Variants in SOX6 observed in about 807,000 individuals in gnomAD.
The protein encoded by SOX6 is SRY-box transcription factor 6, also known as transcription factor SOX-6.
Under a neutral mutation model 97.8 loss-of-function variants are expected in SOX6, and 11 were observed. The observed-to-expected ratio is 0.11, with a 90% confidence interval of 0.07 to 0.19. SOX6 has a LOEUF of 0.19. Ranked by LOEUF, SOX6 falls within the 10% of genes least tolerant of loss-of-function variation. The probability of loss-of-function intolerance (pLI) is 1.00; values close to 1 mark genes in which losing one functional copy is unlikely to be tolerated. For synonymous variants in SOX6, 360 were observed against 371.4 expected, an observed-to-expected ratio of 0.97 and a Z score of 0.35; for missense variants, 810 against 1,039.5, an observed-to-expected ratio of 0.78 and a Z score of 3.04.
intron 1 of SOX6, among the ~76,000 whole-genome samples, chr11:16,391,365 T>C (rs1057099956): frequency 1.3e-5 from 2 of 152,208 alleles, no homozygotes; most frequent in Non-Finnish European, 2.9e-5. Flanking sequence ...CTTCCCTGAC[T>C]ACTCATCTAG....
At chr11:16,272,524 T>C (rs2134231387) in intron 3 of SOX6, among the ~76,000 whole-genome samples, 1 of 151,908 alleles carries the variant, frequency 6.6e-6, no homozygotes, top group African/African-American at 2.4e-5. Flanking sequence ...TTATTCTTTA[T>C]GGGCTAAAGT....
chr11:16,240,315 T>TGG (rs1554947945), intron 3 of SOX6, among the ~76,000 whole-genome samples: 1 of 146,842 alleles, frequency 6.8e-6, no homozygotes, highest in Non-Finnish European at 1.5e-5. Context: ...TGTGTGTGTG[T>TGG]GGCAGTGGAA....
intron 4 of SOX6, chr11:16,484,222 A>G (rs2133126933): frequency 1.2e-6 from 1 of 841,590 alleles, no homozygotes; most frequent in Admixed American, 1.7e-5. Flanking sequence ...CCAGCCCTTC[A>G]TCCACCAGCT....
At chr11:16,620,183 T>C (rs1299748131) in intron 3 of SOX6, among the ~76,000 whole-genome samples, 2 of 152,208 alleles carry the variant, frequency 1.3e-5, no homozygotes, top group African/African-American at 4.8e-5. Context: ...GTAAAACTAC[T>C]TTGGTTTTCA....
At chr11:16,562,203 A>C (rs1248004913) in intron 4 of SOX6, among the ~76,000 whole-genome samples, 1 of 152,184 alleles carries the variant, frequency 6.6e-6, no homozygotes, top group African/African-American at 2.4e-5. Context: ...TTCCTTCCCC[A>C]AAACACAACT....
chr11:15,979,442 G>T (rs1853598036), intron 15 of SOX6, among the ~76,000 whole-genome samples: 1 of 151,994 alleles, frequency 6.6e-6, no homozygotes, highest in Non-Finnish European at 1.5e-5. Flanking sequence ...CATATAGAGT[G>T]ATCCTTTCAA....
chr11:16,728,001 G>C (rs538310431), intron 2 of SOX6, among the ~76,000 whole-genome samples: 24 of 152,226 alleles, frequency 1.6e-4, no homozygotes, highest in African/African-American at 5.5e-4. Context: ...GCCCACCTCA[G>C]CACCGCAAAG....
intron 2 of SOX6, among the ~76,000 whole-genome samples, chr11:16,330,536 G>C (rs949285379): frequency 6.6e-6 from 1 of 152,108 alleles, no homozygotes; most frequent in African/African-American, 2.4e-5. Flanking sequence ...CAGCCTGGGC[G>C]ACAGAGCAAG....
At chr11:16,489,664 G>C (rs1048511798) in intron 4 of SOX6, among the ~76,000 whole-genome samples, 36 of 152,178 alleles carry the variant, frequency 2.4e-4, no homozygotes, top group South Asian at 8.3e-4. Context: ...AATTGAATGA[G>C]ATAACATGTA....
intron 3 of SOX6, among the ~76,000 whole-genome samples, chr11:16,708,678 T>G (rs1462717413): frequency 6.6e-6 from 1 of 152,224 alleles, no homozygotes; most frequent in Non-Finnish European, 1.5e-5. Context: ...ACTCATTAAA[T>G]TATAAACTTT....
At chr11:16,591,318 C>CATAGATAGATAGATAGACAGACAG (rs557537916) in intron 4 of SOX6, among the ~76,000 whole-genome samples, 3 of 123,444 alleles carry the variant, frequency 2.4e-5, no homozygotes, top group Admixed American at 1.7e-4. Context: ...TGGTTAGATA[C>CATAGATAGATAGATAGACAGACAG]ATAGATAGAT....
At chr11:16,322,366 A>G (rs980338503) in intron 2 of SOX6, among the ~76,000 whole-genome samples, 2 of 152,146 alleles carry the variant, frequency 1.3e-5, no homozygotes, top group Non-Finnish European at 1.5e-5. Context: ...CTCCAGCCAC[A>G]TAAGATGCGC....
intron 9 of SOX6, among the ~76,000 whole-genome samples, chr11:16,064,668 T>C (rs895082349): frequency 6.6e-6 from 1 of 151,848 alleles, no homozygotes; most frequent in African/African-American, 2.4e-5. Flanking sequence ...TCATTCATCA[T>C]GACCAAGTGG....
At chr11:16,197,207 C>A (rs1272486573) in intron 4 of SOX6, among the ~76,000 whole-genome samples, 1 of 152,102 alleles carries the variant, frequency 6.6e-6, no homozygotes, top group Non-Finnish European at 1.5e-5. Context: ...GAAACACATC[C>A]CTGCCCCCAA....
At chr11:16,054,164 A>G (rs904854363) in intron 10 of SOX6, among the ~76,000 whole-genome samples, 2 of 152,164 alleles carry the variant, frequency 1.3e-5, no homozygotes, top group Admixed American at 1.3e-4. Flanking sequence ...TTACTCATCC[A>G]GTAAAGACTT....
At chr11:16,416,090 C>T (rs900501521) in intron 1 of SOX6, among the ~76,000 whole-genome samples, 2 of 152,174 alleles carry the variant, frequency 1.3e-5, no homozygotes, top group African/African-American at 2.4e-5. Context: ...GGCATTAGCA[C>T]CACAGTAGGC....
In SOX6 at chr11:16,267,346, A is replaced by C. The variant is rs528885101; in HGVS notation, c.446-32675T>G. Among the ~76,000 whole-genome samples the C allele has an allele frequency of 1.1e-4, 16 of 151,784 alleles. No individual in the cohort carries two copies. The South Asian group carries it at 3.3e-3, about 31-fold the overall frequency. On this transcript the variant is annotated intron_variant, in intron 3 of 15. Coordinates refer to ENST00000683767, the MANE Select transcript of SOX6 (RefSeq NM_001367873.1). ...ATAAAGAAGTCAAACAACTTTATAAAAGAAAAACAAATAATTTGATTAAGA... is the reference window on the plus strand; with the variant it reads ...ATAAAGAAGTCAAACAACTTTATAACAGAAAAACAAATAATTTGATTAAGA...
chr11:16,263,649 T>C (rs1853970245), intron 3 of SOX6, among the ~76,000 whole-genome samples: 1 of 151,972 alleles, frequency 6.6e-6, no homozygotes, highest in South Asian at 2.1e-4. Context: ...CTAAGTAACA[T>C]AATTCATGGT....
intron 4 of SOX6, among the ~76,000 whole-genome samples, chr11:16,594,343 A>AGGG (rs1180978784): frequency 5.3e-5 from 8 of 152,298 alleles, no homozygotes; most frequent in African/African-American, 1.9e-4. Flanking sequence ...AAAACTACAA[A>AGGG]TGGACGCATT....
Sources: gnomAD v4.1 joint callset for allele counts (sites outside exome capture counted in the v4.1 genomes callset) on GRCh38, gnomAD v4.1.1 for gene constraint, MANE v1.5 for transcripts, NCBI Gene and HGNC (gene_info 2026-07-23, HGNC 2026-07-21) for gene names.